GPM6A: variants seen among roughly 807,000 people sequenced by gnomAD.
GPM6A encodes the protein neuronal membrane glycoprotein M6-a.
Under a neutral mutation model 32.1 loss-of-function variants are expected in GPM6A, and 7 were observed. The ratio of observed to expected loss-of-function variants is 0.22; its 90% CI spans 0.12 to 0.41. The LOEUF (loss-of-function observed/expected upper bound fraction) is 0.41. GPM6A is among the 10% of genes least tolerant of loss of function. The pLI is 1.00. For missense variants in GPM6A, 235 were observed against 347.2 expected, an observed-to-expected ratio of 0.68 and a Z score of 2.57; for synonymous variants, 130 against 123.4, an observed-to-expected ratio of 1.05 and a Z score of -0.35.
At chr4:175,923,080 T>C (rs1278522484) in intron 1 of GPM6A, among the ~76,000 whole-genome samples, 1 of 151,850 alleles carries the variant, frequency 6.6e-6, no homozygotes, top group East Asian at 1.9e-4. Context: ...TACTATATTA[T>C]TCATATAAAA....
At chr4:175,697,921 G>A (rs1744668246) in intron 2 of GPM6A, among the ~76,000 whole-genome samples, 1 of 152,142 alleles carries the variant, frequency 6.6e-6, no homozygotes, top group African/African-American at 2.4e-5. Context: ...TTATTTGCAA[G>A]CTCATTTATG....
chr4:175,758,095 T>C (rs924884888), intron 1 of GPM6A, among the ~76,000 whole-genome samples: 1 of 152,168 alleles, frequency 6.6e-6, no homozygotes, highest in African/African-American at 2.4e-5. Context: ...GGCCCTTCAC[T>C]TCCCCAGGGA....
At chr4:175,967,632 C>G (rs1474661376) in intron 1 of GPM6A, among the ~76,000 whole-genome samples, 1 of 152,026 alleles carries the variant, frequency 6.6e-6, no homozygotes, top group Non-Finnish European at 1.5e-5. Flanking sequence ...CAGCAATGAG[C>G]ATTTGGAATT....
At chr4:175,988,148 G>T (rs986724549) in intron 1 of GPM6A, among the ~76,000 whole-genome samples, 1 of 152,114 alleles carries the variant, frequency 6.6e-6, no homozygotes. Flanking sequence ...CTGAGTCATT[G>T]TTGAAAATGA....
At chr4:175,953,467 A>T (rs1312673681) in intron 1 of GPM6A, among the ~76,000 whole-genome samples, 1 of 152,232 alleles carries the variant, frequency 6.6e-6, no homozygotes, top group African/African-American at 2.4e-5. Flanking sequence ...AATTGCCTGT[A>T]AAGCAGTGTA....
At chr4:175,961,920 C>T (rs1740177458) in intron 1 of GPM6A, 2 of 338,386 alleles carry the variant, frequency 5.9e-6, no homozygotes, top group Non-Finnish European at 1.1e-5. Flanking sequence ...AAACTGAGTC[C>T]TAATTACAGG....
intron 1 of GPM6A, among the ~76,000 whole-genome samples, chr4:175,926,226 A>G (rs1738835513): frequency 6.6e-6 from 1 of 152,170 alleles, no homozygotes; most frequent in South Asian, 2.1e-4. Flanking sequence ...ATTCAAAAAC[A>G]CTGGCAAATG....
At chr4:176,002,164 C>G in intron 1 of GPM6A, 1 of 827,404 alleles carries the variant, frequency 1.2e-6, no homozygotes, top group East Asian at 3.3e-5. Flanking sequence ...GACAAGAGGG[C>G]GGGGGGCGGG....
chr4:175,945,805 G>A (rs6825331), intron 1 of GPM6A, among the ~76,000 whole-genome samples: 872 of 15,534 alleles, frequency 0.056, no homozygotes, highest in Middle Eastern at 0.21. Context: ...TGCATATTAC[G>A]TACAACTCAG....
intron 1 of GPM6A, among the ~76,000 whole-genome samples, chr4:175,852,367 G>A (rs1579567716): frequency 6.6e-6 from 1 of 152,060 alleles, no homozygotes; most frequent in East Asian, 1.9e-4. Flanking sequence ...TACTTACGGA[G>A]ATAAATGAAT....
rs147301388 is a variant in GPM6A, at chr4:175,801,189, G to T, written c.37+11002C>A. On this transcript the variant is annotated intron_variant, in intron 1 of 6. Transcript: ENST00000393658. ...AATTAATGACCTCACAAGGATTTTG[G>T]AGAATGCTGGGTAAGTTTACTACAC... is the stretch of plus-strand genomic sequence containing the variant. Among the ~76,000 whole-genome samples the T allele has an allele frequency of 1.6e-3, 239 of 152,178 alleles. 2 individuals carry two copies. The highest frequency in any genetic ancestry group is 5.5e-3 in the African/African-American group (229 of 41,562).
At chr4:175,993,419 T>C (rs1432184921) in intron 1 of GPM6A, among the ~76,000 whole-genome samples, 2 of 152,116 alleles carry the variant, frequency 1.3e-5, no homozygotes, top group African/African-American at 2.4e-5. Context: ...CTCTGTCTCA[T>C]CTACTTTTCA....
chr4:175,741,960 A>G (rs1731905494), intron 1 of GPM6A, among the ~76,000 whole-genome samples: 1 of 152,118 alleles, frequency 6.6e-6, no homozygotes, highest in Non-Finnish European at 1.5e-5. Context: ...TATGGAAGGA[A>G]GAGAAAAAAT....
At chr4:175,896,244 G>A (rs543181794) in intron 1 of GPM6A, among the ~76,000 whole-genome samples, 53 of 152,054 alleles carry the variant, frequency 3.5e-4, no homozygotes, top group Non-Finnish European at 6.8e-4. Flanking sequence ...ATCCCACATC[G>A]TTCTGCTTTG....
intron 4 of GPM6A, among the ~76,000 whole-genome samples, chr4:175,647,959 T>G (rs1388834179): frequency 6.6e-6 from 1 of 152,152 alleles, no homozygotes; most frequent in Admixed American, 6.5e-5. Context: ...ATCTAAAAAG[T>G]GCCTTCTCTT....
At chr4:175,937,459 G>T (rs913833993) in intron 1 of GPM6A, among the ~76,000 whole-genome samples, 1 of 152,158 alleles carries the variant, frequency 6.6e-6, no homozygotes, top group Admixed American at 6.5e-5. Context: ...AGAACAAGCT[G>T]CATAGTGTGA....
intron 3 of GPM6A, among the ~76,000 whole-genome samples, chr4:175,659,190 C>G (rs1742259727): frequency 1.5e-5 from 2 of 137,158 alleles, no homozygotes; most frequent in African/African-American, 5.3e-5. Context: ...TCAAGCGACT[C>G]TCTTGCCTCA....
Position 175,651,941 on chromosome 4 carries a change from G to A in GPM6A, c.434C>T (p.Thr145Met), listed in dbSNP as rs373061459. 1.1e-5 allele frequency: 17 copies of A among 1,612,258 alleles called. No homozygotes were observed. Among genetic ancestry groups the A allele is most frequent in the Admixed American group, 8.4e-5 (5 of 59,828 alleles). ...YLFMLAWLGV[T>M]AFTSLPVYMY... ...GTAAACTGGCAGTGAGGTGAAAGCCGTGACTCCCAGCCAGGCCAACATGAA... is the reference window on the plus strand; with the variant it reads ...GTAAACTGGCAGTGAGGTGAAAGCCATGACTCCCAGCCAGGCCAACATGAA... Residue 145 changes from threonine to methionine, a missense_variant, in exon 4 of 7, where the codon ACG (threonine) becomes ATG (methionine). Physicochemically the swap from Thr to Met is moderately conservative, Grantham distance 81. Around this residue, in one of 3 missense-constraint regions of GPM6A, gnomAD observed 107 missense variants for 116.7 expected, o/e 0.92. Coordinates refer to ENST00000393658, the MANE Select transcript of GPM6A (RefSeq NM_201591.3).
At chr4:175,721,013 G>GTATATATATATACTAGTACATATATAT (rs1746087305) in intron 1 of GPM6A, among the ~76,000 whole-genome samples, 1 of 129,804 alleles carries the variant, frequency 7.7e-6, no homozygotes, top group African/African-American at 2.9e-5. Context: ...AGCTTTTCTA[G>GTATATATATATACTAGTACATATATAT]TATATATATA....
Sources: gnomAD v4.1 joint callset for allele counts (sites outside exome capture counted in the v4.1 genomes callset) on GRCh38, gnomAD v4.1.1 for gene constraint, gnomAD v4.1.1 regional missense constraint, MANE v1.5 for transcripts, NCBI Gene and HGNC (gene_info 2026-07-23, HGNC 2026-07-21) for gene names.